Variants in ZMYND11 observed in about 807,000 individuals in gnomAD.
The protein encoded by ZMYND11 is zinc finger MYND domain-containing protein 11.
In ZMYND11, 9 loss-of-function variants were observed where a neutral mutation model predicts 84.9. That is an observed-to-expected ratio of 0.11 (90% CI 0.06 to 0.18). ZMYND11 has a LOEUF of 0.18. Ranked by LOEUF, ZMYND11 falls within the 10% of genes least tolerant of loss-of-function variation. The pLI, the probability that ZMYND11 is intolerant of heterozygous loss-of-function variation, is 1.00. For synonymous variants in ZMYND11, 250 were observed against 244.1 expected (o/e 1.02, Z -0.23); for missense variants, 409 against 761.0 (o/e 0.54, Z 5.44).
At chr10:183,989 C>G (rs551704854) in intron 2 of ZMYND11, among the ~76,000 whole-genome samples, 1 of 152,252 alleles carries the variant, frequency 6.6e-6, no homozygotes, top group South Asian at 2.1e-4. Flanking sequence ...GTGGGTCTGT[C>G]TTTCTAGGCC....
rs375369771 is a variant in ZMYND11 at position 252,484 on chromosome 10, C to T, written c.*14C>T. 1.6e-4 allele frequency: 260 copies of T among 1,606,032 alleles called. No individual in the cohort carries two copies. The highest frequency in any genetic ancestry group is 2.1e-4 in the Non-Finnish European group (247 of 1,178,434). The stretch of plus-strand genomic sequence containing the variant: ...CGGAAAAGATGAAGCTGGCCCTTCC[C>T]GGAGTCACCCCGATGATTACTCTTT... On this transcript the variant is annotated 3_prime_UTR_variant, in exon 15 of 15. Transcript: ENST00000381604. This position sits in a 1 kb window ranked among gnomAD's most constrained non-coding sequence, Gnocchi z 4.6.
chr10:154,517 G>A (rs1554758115), intron 1 of ZMYND11, among the ~76,000 whole-genome samples: 1 of 152,146 alleles, frequency 6.6e-6, no homozygotes, highest in Non-Finnish European at 1.5e-5. Context: ...GCCCCAGCTG[G>A]GAGTGTGCAT....
chr10:215,665 C>T (rs1284971467), intron 3 of ZMYND11, among the ~76,000 whole-genome samples: 2 of 151,934 alleles, frequency 1.3e-5, no homozygotes, highest in Non-Finnish European at 2.9e-5. Context: ...TCAAGCAATC[C>T]TCCTGCCTCA....
At chr10:241,090 T>A in intron 9 of ZMYND11, 120 bp downstream of exon 9, 1 of 679,656 alleles carries the variant, frequency 1.5e-6, no homozygotes, top group Non-Finnish European at 2.4e-6. Context: ...TATATGGGTT[T>A]AATGAGTATA....
chr10:232,693 ACATGGAAGC>A (rs1949204210), intron 4 of ZMYND11, among the ~76,000 whole-genome samples: 1 of 152,202 alleles, frequency 6.6e-6, no homozygotes, highest in South Asian at 2.1e-4. Flanking sequence ...GATAAAAGGA[ACATGGAAGC>A]TTTCAACAAA....
chr10:133,526 GA>G (rs1554750519), upstream of ZMYND11, among the ~76,000 whole-genome samples: 1 of 152,042 alleles, frequency 6.6e-6, no homozygotes, highest in Admixed American at 6.5e-5. Context: ...GTATAACTGG[GA>G]AAAAAATGTG....
At chr10:218,335 G>A (rs572489189) in intron 3 of ZMYND11, 5 of 171,016 alleles carry the variant, frequency 2.9e-5, no homozygotes, top group African/African-American at 9.6e-5. Context: ...AATAGTATAA[G>A]TCATATAGGA....
At chr10:130,194 G>T (rs1835284939), upstream of ZMYND11, among the ~76,000 whole-genome samples, 1 of 152,174 alleles carries the variant, frequency 6.6e-6, no homozygotes, top group African/African-American at 2.4e-5. Context: ...GGCTGAAATT[G>T]TTTCTTCTGT....
chr10:243,208 G>A (rs1207667903), intron 10 of ZMYND11, among the ~76,000 whole-genome samples: 2 of 152,146 alleles, frequency 1.3e-5, no homozygotes, highest in Non-Finnish European at 2.9e-5. Context: ...AAGAGTTTTT[G>A]TAAGGTTTAA....
At chr10:235,788 A>G (rs1005522159) in intron 4 of ZMYND11, among the ~76,000 whole-genome samples, 2 of 152,266 alleles carry the variant, frequency 1.3e-5, no homozygotes, top group African/African-American at 4.8e-5. Flanking sequence ...GGTGCAGTGC[A>G]GACATGAGGT....
chr10:137,096 C>T (rs782208160), intron 1 of ZMYND11, among the ~76,000 whole-genome samples: 1 of 152,076 alleles, frequency 6.6e-6, no homozygotes, highest in Non-Finnish European at 1.5e-5. Flanking sequence ...TACCCAATGT[C>T]ATATGCACCA....
intron 3 of ZMYND11, among the ~76,000 whole-genome samples, chr10:212,575 C>T (rs1432615226): frequency 1.3e-5 from 2 of 151,534 alleles, no homozygotes; most frequent in African/African-American, 4.9e-5. Context: ...TTTAGTTATG[C>T]AACCTTGAGG....
intron 2 of ZMYND11, among the ~76,000 whole-genome samples, chr10:202,484 A>G (rs1054128395): frequency 6.6e-6 from 1 of 152,166 alleles, no homozygotes; most frequent in African/African-American, 2.4e-5. Flanking sequence ...TCTAATATAT[A>G]CTAGATCAGT....
At chr10:137,769 T>C (rs1226293804) in intron 1 of ZMYND11, among the ~76,000 whole-genome samples, 2 of 152,208 alleles carry the variant, frequency 1.3e-5, no homozygotes, top group Non-Finnish European at 2.9e-5. Context: ...TTATAGTTGT[T>C]ATTTTTGGTT....
In ZMYND11 at chr10:246,906, A is replaced by G; in HGVS notation, c.1091A>G (p.Lys364Arg). ...QRFLREGRFW[K>R]SKNEDRGEEE... ...TTCCTACGAGAAGGGAGATTTTGGA[A>G]ATCTAAGAATGAGGACCGAGGTGAG... The change falls in exon 11 of 15, where the codon AAA becomes AGA. Residue 364 changes from lysine (K) to arginine (R), a missense_variant. Around this residue, in one of 7 missense-constraint regions of ZMYND11, gnomAD observed 48 missense variants for 61.1 expected, o/e 0.79. Transcript: ENST00000381604. 6.2e-7 allele frequency: 1 copy of G among 1,613,544 alleles called. No individual in the cohort carries two copies. Among genetic ancestry groups the G allele is most frequent in the Non-Finnish European group, 8.5e-7 (1 of 1,179,834 alleles).
chr10:160,505 C>T (rs553342200), intron 1 of ZMYND11, among the ~76,000 whole-genome samples: 2 of 152,068 alleles, frequency 1.3e-5, no homozygotes, highest in Non-Finnish European at 2.9e-5. Flanking sequence ...TTTGCCACAT[C>T]GATTGGCTTT....
chr10:245,092 A>T (rs536305564), intron 10 of ZMYND11, among the ~76,000 whole-genome samples: 19 of 152,146 alleles, frequency 1.2e-4, no homozygotes, highest in Non-Finnish European at 2.4e-4. Context: ...ATGGCAAGAA[A>T]CTATTCCACA....
intron 2 of ZMYND11, among the ~76,000 whole-genome samples, chr10:200,274 T>C (rs11250873): frequency 7.1e-6 from 1 of 140,362 alleles, no homozygotes; most frequent in East Asian, 2.0e-4. Flanking sequence ...TAATTATATA[T>C]AATATATAAT....
In ZMYND11 at chr10:252,506, C is replaced by G; in HGVS notation, c.*36C>G. 6.3e-7 allele frequency: 1 copy of G among 1,577,314 alleles called. No homozygotes were observed. Among genetic ancestry groups the G allele is most frequent in the Non-Finnish European group, 8.6e-7 (1 of 1,163,100 alleles). ...TCCCGGAGTCACCCCGATGATTACT[C>G]TTTTCAGACACAGCGGTTTTTGTTT... is the stretch of plus-strand genomic sequence containing the variant. On this transcript the variant is annotated 3_prime_UTR_variant, in exon 15 of 15. Transcript: ENST00000381604. This position sits in a 1 kb window ranked among gnomAD's most constrained non-coding sequence, Gnocchi z 4.6.
Sources: allele counts gnomAD v4.1 joint callset (sites outside exome capture counted in the v4.1 genomes callset), GRCh38; gene constraint gnomAD v4.1.1; regional missense constraint gnomAD v4.1.1; non-coding constraint Gnocchi (gnomAD v3.1); transcripts MANE v1.5; gene names NCBI Gene and HGNC (gene_info 2026-07-23, HGNC 2026-07-21).